PIP: variants seen among roughly 807,000 people sequenced by gnomAD.
PIP encodes the protein prolactin induced protein.
In PIP, 9 loss-of-function variants were observed where a neutral mutation model predicts 12.8. The ratio of observed to expected loss-of-function variants is 0.70; its 90% CI spans 0.42 to 1.23. The LOEUF is 1.23. Ranked by LOEUF, PIP falls within the 50% of genes most tolerant of loss-of-function variation. The pLI, the probability that PIP is intolerant of heterozygous loss-of-function variation, is 0.00. For synonymous variants in PIP, 60 were observed against 66.1 expected (o/e 0.91, Z 0.45); for missense variants, 172 against 179.5 (o/e 0.96, Z 0.24).
chr7:143,138,828 C>T (rs1466823026), intron 2 of PIP, among the ~76,000 whole-genome samples: 1 of 152,288 alleles, frequency 6.6e-6, no homozygotes, highest in South Asian at 2.1e-4. Flanking sequence ...TGTGGATTCA[C>T]TTGCATCCCT....
intron 2 of PIP, among the ~76,000 whole-genome samples, chr7:143,135,578 G>T (rs1799301364): frequency 6.6e-6 from 1 of 152,072 alleles, no homozygotes; most frequent in Admixed American, 6.6e-5. Context: ...AAGTGTAAGA[G>T]CTAGTAGAGA....
At chr7:143,136,279 T>C (rs1313442260) in intron 2 of PIP, among the ~76,000 whole-genome samples, 1 of 152,042 alleles carries the variant, frequency 6.6e-6, no homozygotes, top group Non-Finnish European at 1.5e-5. Flanking sequence ...CCCCAGACCC[T>C]TCATGAAGGA....
chr7:143,136,781 T>C (rs1336209752), intron 2 of PIP, among the ~76,000 whole-genome samples: 2 of 152,014 alleles, frequency 1.3e-5, no homozygotes, highest in African/African-American at 4.8e-5. Flanking sequence ...TTAAGAATCA[T>C]GCTAGTACTC....
At chr7:143,139,451 T>C (rs541819192) in intron 3 of PIP, 67 bp from the exon 4 acceptor site, 4 of 1,580,374 alleles carry the variant, frequency 2.5e-6, no homozygotes, top group African/African-American at 2.7e-5. Context: ...AGATGCCTGA[T>C]ATGAGTAGAA....
At chr7:143,138,202 T>A (rs905367800) in intron 2 of PIP, among the ~76,000 whole-genome samples, 3 of 152,104 alleles carry the variant, frequency 2.0e-5, no homozygotes, top group Admixed American at 1.3e-4. Context: ...ACATATCTAC[T>A]TTTCTCCTTG....
intron 3 of PIP, among the ~76,000 whole-genome samples, 159 bp from the exon 4 acceptor site, chr7:143,139,359 C>A (rs1799344522): frequency 6.6e-6 from 1 of 151,932 alleles, no homozygotes; most frequent in African/African-American, 2.4e-5. Context: ...CACCCAGGTT[C>A]TAAGACAGAG....
chr7:143,134,607 C>A (rs1019970457), intron 1 of PIP, among the ~76,000 whole-genome samples: 44 of 151,802 alleles, frequency 2.9e-4, no homozygotes, highest in African/African-American at 1.1e-3. Context: ...TTTCCCTGAT[C>A]AAGAGGTTTG....
intron 2 of PIP, among the ~76,000 whole-genome samples, chr7:143,136,625 C>A (rs1799313037): frequency 6.6e-6 from 1 of 151,952 alleles, no homozygotes; most frequent in African/African-American, 2.4e-5. Flanking sequence ...AGAACATGTA[C>A]ATAATGTGTA....
intron 2 of PIP, among the ~76,000 whole-genome samples, chr7:143,136,600 G>T (rs1799312389): frequency 6.6e-6 from 1 of 152,024 alleles, no homozygotes; most frequent in South Asian, 2.1e-4. Flanking sequence ...ACAAACACAG[G>T]TGAGAATGAG....
chr7:143,133,514 G>A (rs935745815), intron 1 of PIP, among the ~76,000 whole-genome samples: 82 of 152,162 alleles, frequency 5.4e-4, no homozygotes, highest in Admixed American at 5.2e-3. Context: ...GTCCGTAGCC[G>A]GGAGTTTCTA....
At chr7:143,133,562 C>T in intron 1 of PIP, among the ~76,000 whole-genome samples, 1 of 152,020 alleles carries the variant, frequency 6.6e-6, no homozygotes, top group East Asian at 1.9e-4. Context: ...CGAACCCAGT[C>T]CTCATTGACT....
chr7:143,133,292 G>C (rs1192345508), intron 1 of PIP, among the ~76,000 whole-genome samples: 1 of 152,036 alleles, frequency 6.6e-6, no homozygotes, highest in African/African-American at 2.4e-5. Flanking sequence ...CTCGAACTAA[G>C]CTGGTCATCC....
rs142482967 is a variant in PIP, at chr7:143,133,125, G to A, written c.95+914G>A. Reference sequence around the variant, plus strand: ...CCACTTAGCCCTGAAGGGCAGCAAGGTATTCAAATAAGCTATGCTAATTAG... The same window carrying A: ...CCACTTAGCCCTGAAGGGCAGCAAGATATTCAAATAAGCTATGCTAATTAG... On this transcript the variant is annotated intron_variant, in intron 1 of 3. Coordinates refer to ENST00000291009, the MANE Select transcript of PIP (RefSeq NM_002652.3). Among the ~76,000 whole-genome samples the A allele has an allele frequency of 2.2e-3, 335 of 152,066 alleles. 2 individuals are homozygous for A. The highest frequency in any genetic ancestry group is 6.9e-3 in the African/African-American group (286 of 41,516).
At chr7:143,139,032 C>T (rs1397866264) in intron 2 of PIP, 43 bp from the exon 3 acceptor site, 1 of 1,014,472 alleles carries the variant, frequency 9.9e-7, no homozygotes, top group Non-Finnish European at 1.6e-6. Flanking sequence ...TACCCATTCC[C>T]CAAAATAACA....
At chr7:143,135,472 A>G (rs1376110027) in intron 2 of PIP, among the ~76,000 whole-genome samples, 173 bp downstream of exon 2, 1 of 152,066 alleles carries the variant, frequency 6.6e-6, no homozygotes, top group Non-Finnish European at 1.5e-5. Flanking sequence ...ATGACTTCTC[A>G]TTTTCCAGAT....
intron 2 of PIP, among the ~76,000 whole-genome samples, chr7:143,135,609 G>A (rs1044321963): frequency 6.6e-6 from 1 of 151,994 alleles, no homozygotes; most frequent in Non-Finnish European, 1.5e-5. Flanking sequence ...GTCCTTCCAA[G>A]GTCCTGAGCA....
intron 1 of PIP, among the ~76,000 whole-genome samples, chr7:143,134,183 CATATATATATATATATATAT>C (rs60656573): frequency 0.079 from 3,280 of 41,664 alleles, 148 homozygotes; most frequent in Middle Eastern, 0.13. Flanking sequence ...AGTATTCCAT[CATATATATATATATATATAT>C]ATATATATAT....
In PIP at chr7:143,134,228, ATATAT is replaced by A. The variant is rs1563015874; in HGVS notation, c.96-965_96-961del. 3.4e-3 allele frequency among the ~76,000 whole-genome samples: 305 copies of A among 90,002 alleles called. 6 individuals are homozygous for A. The highest frequency in any genetic ancestry group is 4.1e-3 in the Non-Finnish European group (181 of 43,690). The allele number at this position is 90,002 out of a possible 152,430, so 59.0% of individuals were successfully genotyped here. A position where few individuals can be genotyped will look rare whatever the true frequency, so the allele number is the denominator to read the frequency against. Reference sequence around the variant, plus strand: ...TATATATATATATATATATATATATATATATACCACAGTTTCTTTATCCACTCGTT... The same window carrying A: ...TATATATATATATATATATATATATAACCACAGTTTCTTTATCCACTCGTT... On this transcript the variant is annotated intron_variant, in intron 1 of 3. Transcript: ENST00000291009.
At chr7:143,136,788 A>C (rs1455941452) in intron 2 of PIP, among the ~76,000 whole-genome samples, 1 of 151,978 alleles carries the variant, frequency 6.6e-6, no homozygotes, top group East Asian at 1.9e-4. Flanking sequence ...TCATGCTAGT[A>C]CTCTAAAATA....
Sources: gnomAD v4.1 joint callset for allele counts (sites outside exome capture counted in the v4.1 genomes callset) on GRCh38, gnomAD v4.1.1 for gene constraint, MANE v1.5 for transcripts, NCBI Gene and HGNC (gene_info 2026-07-23, HGNC 2026-07-21) for gene names.